THADA: variants seen among roughly 807,000 people sequenced by gnomAD.
THADA encodes the protein tRNA (32-2'-O)-methyltransferase regulator THADA.
Under a neutral mutation model 219.8 loss-of-function variants are expected in THADA, and 213 were observed. The ratio of observed to expected loss-of-function variants is 0.97; its 90% CI spans 0.87 to 1.09. The LOEUF (loss-of-function observed/expected upper bound fraction) is 1.09. Ranked by LOEUF, THADA falls within the 50% of genes least tolerant of loss-of-function variation. THADA has a pLI of 0.00. For synonymous variants in THADA, 1,018 were observed against 828.9 expected, an observed-to-expected ratio of 1.23 and a Z score of -3.92; for missense variants, 2,956 against 2,311.3, an observed-to-expected ratio of 1.28 and a Z score of -5.72.
chr2:43,567,781 T>G (rs988847996), intron 14 of THADA, among the ~76,000 whole-genome samples: 1 of 152,250 alleles, frequency 6.6e-6, no homozygotes, highest in Non-Finnish European at 1.5e-5. Context: ...GAGCACACTA[T>G]CCTACATACA....
At position 43,572,876 on chromosome 2, in the gene THADA, T is replaced by C; in HGVS notation, c.1846A>G (p.Thr616Ala). The C allele has an allele frequency of 1.2e-6, 2 of 1,613,978 alleles. No individual in the cohort carries two copies. The highest frequency in any genetic ancestry group is 1.7e-6 in the Non-Finnish European group (2 of 1,179,870). The part of the protein sequence containing the change: ...AHGHLQSATD[T>A]WENLVSDARI... ...GCATCAGACACGAGGTTCTCCCAGG[T>C]ATCAGTTGCAGACTGAAGATGTCCA... Residue 616 changes from threonine to alanine, a missense_variant, in exon 12 of 38, where the codon ACC becomes GCC. Physicochemically the swap from Thr to Ala is moderately conservative, Grantham distance 58 (BLOSUM62 0). Transcript: ENST00000405975.
chr2:43,543,058 T>C (rs914161157), intron 20 of THADA, among the ~76,000 whole-genome samples: 3 of 129,780 alleles, frequency 2.3e-5, no homozygotes, highest in Non-Finnish European at 4.7e-5. Context: ...CAGAGTGTGA[T>C]GTTCCCCTTC....
intron 28 of THADA, among the ~76,000 whole-genome samples, chr2:43,404,292 C>T (rs1234624993): frequency 6.6e-6 from 1 of 151,952 alleles, no homozygotes; most frequent in East Asian, 1.9e-4. Context: ...TCCTGGGCTC[C>T]AGTGATCCTC....
intron 29 of THADA, among the ~76,000 whole-genome samples, chr2:43,380,498 C>G (rs549974211): frequency 6.6e-5 from 10 of 152,168 alleles, no homozygotes; most frequent in Non-Finnish European, 1.5e-4. Context: ...CCACATAATA[C>G]TGGAGTAGAG....
intron 36 of THADA, among the ~76,000 whole-genome samples, chr2:43,236,704 AAG>A (rs1260945075): frequency 6.6e-6 from 1 of 152,190 alleles, no homozygotes; most frequent in African/African-American, 2.4e-5. Flanking sequence ...AATCTTGAAA[AAG>A]AAAACAAAAT....
chr2:43,533,993 A>C (rs2103768220), intron 21 of THADA, among the ~76,000 whole-genome samples: 1 of 152,310 alleles, frequency 6.6e-6, no homozygotes, highest in South Asian at 2.1e-4. Flanking sequence ...AAAATAATAG[A>C]GTTTAGTAAT....
chr2:43,272,249 T>C (rs1174489649), intron 36 of THADA, among the ~76,000 whole-genome samples: 2 of 152,170 alleles, frequency 1.3e-5, no homozygotes, highest in Non-Finnish European at 2.9e-5. Flanking sequence ...TAGGATTTTA[T>C]ATGTTGCCTT....
At chr2:43,236,995 C>T (rs553943324) in intron 36 of THADA, among the ~76,000 whole-genome samples, 4 of 150,958 alleles carry the variant, frequency 2.6e-5, no homozygotes, top group African/African-American at 9.7e-5. Flanking sequence ...TGGCGTGAAC[C>T]CGGGAGGCGG....
intron 26 of THADA, chr2:43,430,552 A>AG: frequency 2.0e-6 from 1 of 498,610 alleles, no homozygotes; most frequent in Non-Finnish European, 3.8e-6. Flanking sequence ...AATATTTGAT[A>AG]TTAAATTTTA....
chr2:43,320,624 T>C, intron 30 of THADA, 84 bp from the exon 31 acceptor site: 3 of 952,620 alleles, frequency 3.1e-6, no homozygotes, highest in Non-Finnish European at 4.9e-6. Context: ...GGGTATTTTC[T>C]ATGGTATATG....
At chr2:43,431,482 T>C (rs1679276051) in intron 26 of THADA, among the ~76,000 whole-genome samples, 1 of 152,142 alleles carries the variant, frequency 6.6e-6, no homozygotes, top group East Asian at 1.9e-4. Flanking sequence ...GTTTGTTTTT[T>C]TGAGACGGAG....
At chr2:43,364,537 C>T (rs76857293) in intron 29 of THADA, among the ~76,000 whole-genome samples, 13,373 of 152,192 alleles carry the variant, frequency 0.088, 653 homozygotes, top group African/African-American at 0.11. Context: ...TTGCCAATGC[C>T]CCCGTGGAGA....
intron 26 of THADA, among the ~76,000 whole-genome samples, chr2:43,435,684 G>T (rs997815164): frequency 1.1e-4 from 16 of 150,784 alleles, no homozygotes; most frequent in African/African-American, 3.7e-4. Flanking sequence ...TTAGGAGGCT[G>T]ATGCGACAGA....
intron 29 of THADA, among the ~76,000 whole-genome samples, chr2:43,376,659 C>G (rs1671414980): frequency 6.6e-6 from 1 of 152,208 alleles, no homozygotes; most frequent in Admixed American, 6.5e-5. Context: ...TCAGTAATGA[C>G]TGACATTCAG....
At chr2:43,575,059 T>A in intron 10 of THADA, 32 bp from the exon 11 acceptor site, 1 of 1,452,170 alleles carries the variant, frequency 6.9e-7, no homozygotes, top group Non-Finnish European at 9.3e-7. Context: ...GCCATTATTG[T>A]AAACTGATTA....
intron 29 of THADA, among the ~76,000 whole-genome samples, chr2:43,383,615 T>C (rs1388330044): frequency 6.6e-6 from 1 of 152,176 alleles, no homozygotes; most frequent in Non-Finnish European, 1.5e-5. Flanking sequence ...ACATAGGAGT[T>C]TAACTGGGGA....
Position 43,395,529 on chromosome 2 carries a change from A to G in THADA, c.4227+2442T>C, listed in dbSNP as rs143124499. On this transcript the variant is annotated intron_variant, in intron 29 of 37. Transcript: ENST00000405975. ...CCATAATGTATGTAACACAGACTAG[A>G]TTATCTGAAACTGCAGTCTGGGGCT... Among the ~76,000 whole-genome samples, 155 of 150,384 alleles carry G rather than the reference A, an allele frequency of 1.0e-3. 1 individual carries two copies. Among genetic ancestry groups the G allele is most frequent in the African/African-American group, 3.9e-3 (153 of 39,716 alleles).
intron 26 of THADA, among the ~76,000 whole-genome samples, chr2:43,433,415 G>C (rs1226089428): frequency 6.6e-6 from 1 of 151,976 alleles, no homozygotes; most frequent in Non-Finnish European, 1.5e-5. Flanking sequence ...TGTAATCCCA[G>C]CTACTCTGGA....
intron 26 of THADA, among the ~76,000 whole-genome samples, chr2:43,468,189 T>C (rs1436748815): frequency 6.6e-6 from 1 of 152,222 alleles, no homozygotes; most frequent in Non-Finnish European, 1.5e-5. Context: ...ACATGAATCA[T>C]TGTTTCAGCT....
Sources: gnomAD v4.1 joint callset for allele counts (sites outside exome capture counted in the v4.1 genomes callset) on GRCh38, gnomAD v4.1.1 for gene constraint, MANE v1.5 for transcripts, NCBI Gene and HGNC (gene_info 2026-07-23, HGNC 2026-07-21) for gene names.